IP6K3: variants seen among roughly 807,000 people sequenced by gnomAD.
The protein encoded by IP6K3 is ATP:1D-myo-inositol-hexakisphosphate phosphotransferase.
A neutral mutation model predicts 28.8 loss-of-function variants in IP6K3; 20 were observed. The observed-to-expected ratio is 0.70, with a 90% confidence interval of 0.49 to 1.01. The LOEUF is 1.01. Among genes scored for constraint, IP6K3 ranks in the 50% least tolerant of loss-of-function variants. The pLI is 0.00. For missense variants in IP6K3, 480 were observed against 537.1 expected, an observed-to-expected ratio of 0.89 and a Z score of 1.05; for synonymous variants, 213 against 221.3, an observed-to-expected ratio of 0.96 and a Z score of 0.33.
intron 1 of IP6K3, among the ~76,000 whole-genome samples, chr6:33,739,605 T>C (rs1449300456): frequency 2.6e-5 from 4 of 152,266 alleles, no homozygotes; most frequent in Non-Finnish European, 5.9e-5. Flanking sequence ...CCTCCAGCTC[T>C]GTGGGATTGA....
At chr6:33,727,701 C>T (rs1766168129) in intron 3 of IP6K3, 1 of 460,622 alleles carries the variant, frequency 2.2e-6, no homozygotes, top group Non-Finnish European at 2.9e-6. Context: ...GAGGTGATTT[C>T]TGAGAGCAAT....
At chr6:33,740,385 A>T (rs1031509805) in intron 1 of IP6K3, among the ~76,000 whole-genome samples, 1 of 152,230 alleles carries the variant, frequency 6.6e-6, no homozygotes, top group African/African-American at 2.4e-5. Context: ...AGGAGACTCC[A>T]GGGCTAATTT....
the IP6K3 span, among the ~76,000 whole-genome samples, chr6:33,752,218 A>G: frequency 6.6e-6 from 1 of 152,124 alleles, no homozygotes; most frequent in Non-Finnish European, 1.5e-5. Context: ...CCCACAAACA[A>G]TCTGTGTGTA....
the IP6K3 span, among the ~76,000 whole-genome samples, chr6:33,756,191 T>C: frequency 7.2e-3 from 1,088 of 152,104 alleles, 3 homozygotes; most frequent in African/African-American, 0.01. Context: ...GTAAAACAAG[T>C]AGAAAGTAGA....
At chr6:33,741,380 G>A (rs1260286424) in intron 1 of IP6K3, among the ~76,000 whole-genome samples, 3 of 152,138 alleles carry the variant, frequency 2.0e-5, no homozygotes, top group Non-Finnish European at 4.4e-5. Context: ...GGTGGCTCAC[G>A]CCTGTAATTC....
Position 33,725,616 on chromosome 6 carries a change from CCTAGTCACA to C in IP6K3, c.590-9_590-1del. 1 of 1,613,260 alleles carries C rather than the reference CCTAGTCACA, an allele frequency of 6.2e-7. No homozygotes were observed. Among genetic ancestry groups the C allele is most frequent in the East Asian group, 2.2e-5 (1 of 44,872 alleles). ...CACTACATTTTCCAGCAACAAGAAC[CCTAGTCACA>C]CTAAGTTAAGGAAGGCTCTGAGGAC... On this transcript the variant is annotated splice_acceptor_variant and splice_polypyrimidine_tract_variant and intron_variant, in intron 4 of 5. Transcript: ENST00000293756. LOFTEE classifies it high-confidence loss of function.
intron 1 of IP6K3, among the ~76,000 whole-genome samples, chr6:33,741,986 A>G (rs1451880406): frequency 6.6e-6 from 1 of 152,128 alleles, no homozygotes; most frequent in Non-Finnish European, 1.5e-5. Context: ...AAAAAAAAAA[A>G]AAACAAAGCA....
rs201873457 is a variant in IP6K3 at position 33,728,046 on chromosome 6, C to A, written c.413+41G>T. ...CAGGTGGGAGCAGTGCCGGTCCCTG[C>A]CGAGGGACAGGGTTTCTGTCATCCT... On this transcript the variant is annotated intron_variant, in intron 3 of 5. Transcript: ENST00000293756. 184 of 1,588,022 alleles carry A rather than the reference C, an allele frequency of 1.2e-4. No individual in the cohort carries two copies. The African/African-American group carries it at 2.1e-3, about 18-fold the overall frequency.
chr6:33,734,107 G>A (rs2127357390), intron 2 of IP6K3, among the ~76,000 whole-genome samples: 1 of 151,536 alleles, frequency 6.6e-6, no homozygotes, highest in Non-Finnish European at 1.5e-5. Context: ...GGAGGCTGAG[G>A]CAGGAGAATC....
upstream of IP6K3, among the ~76,000 whole-genome samples, chr6:33,748,939 A>G (rs28607030): frequency 0.29 from 43,273 of 151,780 alleles, 6,470 homozygotes; most frequent in Non-Finnish European, 0.33. Context: ...GGGAAGGCAC[A>G]TGGCCTCTTG....
rs188602196 is a variant in IP6K3, at chr6:33,746,054, C to T, written c.-180+704G>A. Among the ~76,000 whole-genome samples, 1 of 152,204 alleles carries T rather than the reference C, an allele frequency of 6.6e-6. No homozygotes were observed. Among genetic ancestry groups the T allele is most frequent in the Non-Finnish European group, 1.5e-5 (1 of 68,000 alleles). Reference sequence around the variant, plus strand: ...GGGCCTGGCATGGGGGGTTTAAGGCCCCCAAGGCAAGCTCAGTTCTCAGGT... The same window carrying T: ...GGGCCTGGCATGGGGGGTTTAAGGCTCCCAAGGCAAGCTCAGTTCTCAGGT... On this transcript the variant is annotated intron_variant, in intron 1 of 5. Coordinates refer to ENST00000293756, the MANE Select transcript of IP6K3 (RefSeq NM_054111.5). This position sits in a 1 kb window ranked among gnomAD's most constrained non-coding sequence, Gnocchi z 6.5.
intron 5 of IP6K3, 59 bp downstream of exon 5, chr6:33,725,382 T>C (rs1766062746): frequency 4.0e-6 from 6 of 1,510,434 alleles, no homozygotes; most frequent in Non-Finnish European, 5.3e-6. Context: ...GGAGATATCC[T>C]TGCCCCACCG....
chr6:33,749,187 C>T (rs1241664591), upstream of IP6K3, among the ~76,000 whole-genome samples: 3 of 152,122 alleles, frequency 2.0e-5, no homozygotes, highest in East Asian at 1.9e-4. Flanking sequence ...GTGCCCTGGC[C>T]CCCAGGTCTC....
Position 33,723,207 on chromosome 6 carries a change from A to G in IP6K3, c.766-20T>C. ...ATAAACCTTACATTAAAAAGAATAA[A>G]GAAAATGTGAAGATTGGAAACTTAA... On this transcript the variant is annotated intron_variant, in intron 5 of 5. Coordinates refer to ENST00000293756, the MANE Select transcript of IP6K3 (RefSeq NM_054111.5). The G allele has an allele frequency of 6.7e-7, 1 of 1,486,818 alleles. No individual in the cohort carries two copies. The highest frequency in any genetic ancestry group is 9.1e-7 in the Non-Finnish European group (1 of 1,101,920). 92.1% of individuals were successfully genotyped at this position (1,486,818 alleles called of 1,614,324 possible). A position where few individuals can be genotyped will look rare whatever the true frequency, so the allele number is the denominator to read the frequency against.
chr6:33,748,642 CAA>C (rs35735336), upstream of IP6K3, among the ~76,000 whole-genome samples: 16 of 38,368 alleles, frequency 4.2e-4, no homozygotes, highest in South Asian at 2.3e-3. Context: ...ACCCTGTCTC[CAA>C]AAAAAAAAAA....
At chr6:33,760,046 G>A in the IP6K3 span, among the ~76,000 whole-genome samples, 2 of 152,322 alleles carry the variant, frequency 1.3e-5, no homozygotes, top group East Asian at 1.9e-4. Flanking sequence ...GCGAGCCTGC[G>A]GGAGGTCAGA....
chr6:33,748,088 C>G (rs555884292), upstream of IP6K3, among the ~76,000 whole-genome samples: 1 of 152,282 alleles, frequency 6.6e-6, no homozygotes, highest in South Asian at 2.1e-4. Context: ...GGTGCCCCAC[C>G]TGCCTTTCCT....
the IP6K3 span, among the ~76,000 whole-genome samples, chr6:33,755,959 G>A: frequency 6.6e-6 from 1 of 152,182 alleles, no homozygotes; most frequent in Non-Finnish European, 1.5e-5. Context: ...CCACCTCCTG[G>A]GTTCAAGCAG....
Position 33,735,344 on chromosome 6 carries a change from A to G in IP6K3, c.133T>C (p.Ser45Pro). 1.2e-6 allele frequency: 2 copies of G among 1,607,674 alleles called. No homozygotes were observed. The highest frequency in any genetic ancestry group is 8.5e-7 in the Non-Finnish European group (1 of 1,176,880). The part of the protein sequence containing the change: ...DEHTVCKPLV[S>P]REQRFYESLP... ...GATTCATAGAACCTCTGCTCCCGGG[A>G]GACGAGGGGCTTGCACACCGTATGC... Residue 45 changes from serine to proline, a missense_variant, in exon 2 of 6, where the codon TCC becomes CCC. By Grantham distance (74) the Ser-to-Pro change is moderately conservative. Coordinates refer to ENST00000293756, the MANE Select transcript of IP6K3 (RefSeq NM_054111.5).
Sources: gnomAD v4.1 joint callset for allele counts (sites outside exome capture counted in the v4.1 genomes callset) on GRCh38, gnomAD v4.1.1 for gene constraint, Gnocchi (gnomAD v3.1) non-coding constraint, MANE v1.5 for transcripts, NCBI Gene and HGNC (gene_info 2026-07-23, HGNC 2026-07-21) for gene names.